Variants in COL5A1 observed in about 807,000 individuals in gnomAD.
COL5A1 encodes collagen type V alpha 1 chain.
In COL5A1, 16 loss-of-function variants were observed where a neutral mutation model predicts 263.7. That is an observed-to-expected ratio of 0.06 (90% CI 0.04 to 0.09). The LOEUF (loss-of-function observed/expected upper bound fraction) is 0.09, where lower values mean the gene tolerates loss of function less well. Ranked by LOEUF, COL5A1 falls within the 10% of genes least tolerant of loss-of-function variation. COL5A1 has a pLI of 1.00. For missense variants in COL5A1, 2,036 were observed against 2,540.5 expected (o/e 0.80, Z 4.27); for synonymous variants, 1,012 against 1,004.5 (o/e 1.01, Z -0.14).
intron 36 of COL5A1, 83 bp from the exon 37 acceptor site, chr9:134,798,325 G>T: frequency 7.9e-7 from 1 of 1,272,562 alleles, no homozygotes; most frequent in Admixed American, 1.7e-5. Context: ...TGGAAATAAC[G>T]GTCACTCCAC....
Position 134,844,000 on chromosome 9 carries a change from G to A in COL5A1, c.*1697G>A, listed in dbSNP as rs1340720361. On this transcript the variant is annotated 3_prime_UTR_variant, in exon 66 of 66. Transcript: ENST00000371817. ...AGGACCCGAGGGGCAGCCAGGAAAG[G>A]CGATCTCTTCACTGTGAAAAGTTGC... 1 of 152,274 alleles carries A rather than the reference G, an allele frequency of 6.6e-6. No homozygotes were observed. The highest frequency in any genetic ancestry group is 1.5e-5 in the Non-Finnish European group (1 of 68,050). 9.4% of individuals were successfully genotyped at this position (152,274 alleles called of 1,614,324 possible). A position where few individuals can be genotyped will look rare whatever the true frequency, so the allele number is the denominator to read the frequency against.
chr9:134,695,316 C>T (rs974271657), intron 2 of COL5A1, among the ~76,000 whole-genome samples: 2 of 151,824 alleles, frequency 1.3e-5, no homozygotes, highest in Admixed American at 1.3e-4. Flanking sequence ...GGCCTGGGCT[C>T]CAGAATCAGC....
intron 19 of COL5A1, 23 bp downstream of exon 19, chr9:134,762,001 G>A (rs765871817): frequency 4.3e-6 from 7 of 1,611,846 alleles, no homozygotes; most frequent in South Asian, 1.1e-5. Context: ...CCGTCCCTCC[G>A]ACTGCTCCTG....
chr9:134,767,141 G>A, intron 23 of COL5A1, 88 bp downstream of exon 23: 1 of 1,508,668 alleles, frequency 6.6e-7, no homozygotes, highest in Non-Finnish European at 9.2e-7. Flanking sequence ...GAAGCGGGGA[G>A]CTCTGTCCCC....
At chr9:134,711,801 C>A (rs997620246) in intron 4 of COL5A1, among the ~76,000 whole-genome samples, 1 of 152,068 alleles carries the variant, frequency 6.6e-6, no homozygotes, top group East Asian at 1.9e-4. Context: ...TGATCCAAAT[C>A]CCCGCTCTTC....
In COL5A1 at chr9:134,823,404, C is replaced by T. The variant is rs778011542; in HGVS notation, c.4645-12C>T. On this transcript the variant is annotated splice_polypyrimidine_tract_variant and intron_variant, in intron 60 of 65. Transcript: ENST00000371817. ...TCTGTGACCAAGGGTTGATTCTTTT[C>T]TTTCTCCCCAGGGTCCAACTGGCCC... 6.2e-7 allele frequency: 1 copy of T among 1,614,210 alleles called. No homozygotes were observed. Among genetic ancestry groups the T allele is most frequent in the East Asian group, 2.2e-5 (1 of 44,888 alleles).
intron 25 of COL5A1, among the ~76,000 whole-genome samples, chr9:134,769,258 C>T (rs901506288): frequency 2.1e-4 from 32 of 152,232 alleles, no homozygotes; most frequent in Non-Finnish European, 4.3e-4. Flanking sequence ...CACACAGCAT[C>T]CCTCAGGCCG....
chr9:134,811,964 G>A (rs756975900), intron 46 of COL5A1, among the ~76,000 whole-genome samples: 3 of 152,242 alleles, frequency 2.0e-5, no homozygotes, highest in Non-Finnish European at 4.4e-5. Flanking sequence ...AGGCGCATAT[G>A]TAATTGTATT....
In COL5A1 at chr9:134,642,947, A is replaced by C. The variant is rs1387275188; in HGVS notation, c.109+651A>C. Among the ~76,000 whole-genome samples, 1 of 152,244 alleles carries C rather than the reference A, an allele frequency of 6.6e-6. No individual in the cohort carries two copies. The highest frequency in any genetic ancestry group is 2.4e-5 in the African/African-American group (1 of 41,464). ...ACCCCCAAACTTCTTGATCCCTGGA[A>C]GGCAGCTTTTCCTGGATTCGCTGCT... On this transcript the variant is annotated intron_variant, in intron 1 of 65. Transcript: ENST00000371817. This position sits in a 1 kb window ranked among gnomAD's most constrained non-coding sequence, Gnocchi z 4.5.
At position 134,642,083 on chromosome 9, in the gene COL5A1, G is replaced by A; in HGVS notation, c.-105G>A. On this transcript the variant is annotated 5_prime_UTR_variant, in exon 1 of 66. Coordinates refer to ENST00000371817, the MANE Select transcript of COL5A1 (RefSeq NM_000093.5). This position sits in a 1 kb window ranked among gnomAD's most constrained non-coding sequence, Gnocchi z 4.5. ...CGAGGTCCCCATGACCTCCTAAAGT[G>A]GTGCGGTCCCTGCTGAGTGCGCTGC... The A allele has an allele frequency of 1.0e-6, 1 of 998,132 alleles. No individual in the cohort carries two copies. Among genetic ancestry groups the A allele is most frequent in the East Asian group, 3.3e-5 (1 of 30,412 alleles). The allele number at this position is 998,132 out of a possible 1,614,324, so 61.8% of individuals were successfully genotyped here.
chr9:134,828,194 C>T (rs777930419), intron 63 of COL5A1, among the ~76,000 whole-genome samples: 3 of 152,152 alleles, frequency 2.0e-5, no homozygotes, highest in Non-Finnish European at 2.9e-5. Flanking sequence ...CAGGTCTCCC[C>T]TCAGAGGAAT....
Position 134,842,536 on chromosome 9 carries a change from C to T in COL5A1, c.*233C>T, listed in dbSNP as rs997595404. 14 of 604,144 alleles carry T rather than the reference C, an allele frequency of 2.3e-5. No homozygotes were observed. The highest frequency in any genetic ancestry group is 1.1e-4 in the East Asian group (4 of 35,508). The allele number at this position is 604,144 out of a possible 1,614,324, so 37.4% of individuals were successfully genotyped here. On this transcript the variant is annotated 3_prime_UTR_variant, in exon 66 of 66. Coordinates refer to ENST00000371817, the MANE Select transcript of COL5A1 (RefSeq NM_000093.5). This position sits in a 1 kb window ranked among gnomAD's most constrained non-coding sequence, Gnocchi z 5.8. ...ATCACATGACCTAGCTGCACCCCAG[C>T]GCCTGGGCCCGCCCCACGCTCTGTC...
Position 134,758,978 on chromosome 9 carries a change from A to G in COL5A1, c.1935+682A>G, listed in dbSNP as rs7849193. Among the ~76,000 whole-genome samples, 28,826 of 152,110 alleles carry G rather than the reference A, an allele frequency of 0.19. 3,959 individuals carry two copies. Among genetic ancestry groups the G allele is most frequent in the African/African-American group, 0.38 (15,846 of 41,432 alleles). ...GGTCTTCTTTCAATAACAACGTGAT[A>G]GAAAGCCTACAATCTCCTGCCCTGT... is the stretch of plus-strand genomic sequence containing the variant. On this transcript the variant is annotated intron_variant, in intron 18 of 65. Transcript: ENST00000371817. This position sits in a 1 kb window ranked among gnomAD's most constrained non-coding sequence, Gnocchi z 4.1.
At chr9:134,735,299 G>C (rs1835058841) in intron 9 of COL5A1, among the ~76,000 whole-genome samples, 1 of 152,008 alleles carries the variant, frequency 6.6e-6, no homozygotes, top group African/African-American at 2.4e-5. Flanking sequence ...AAGTGATCCT[G>C]CACCCACCAC....
intron 25 of COL5A1, among the ~76,000 whole-genome samples, chr9:134,768,762 G>A (rs1836770414): frequency 6.6e-6 from 1 of 152,246 alleles, no homozygotes; most frequent in Non-Finnish European, 1.5e-5. Context: ...CCGTGAGGAG[G>A]GCTGGGCCGG....
In COL5A1 at chr9:134,686,824, C is replaced by T. The variant is rs960654467; in HGVS notation, c.110-4088C>T. On this transcript the variant is annotated intron_variant, in intron 1 of 65. Transcript: ENST00000371817. This position sits in a 1 kb window ranked among gnomAD's most constrained non-coding sequence, Gnocchi z 4.6. ...CCCTAGGTGCTGGGGGTAAACACTT[C>T]TTGTAGTTTAAAGATTCTGATGCCC... Among the ~76,000 whole-genome samples the T allele has an allele frequency of 2.0e-5, 3 of 152,130 alleles. No homozygotes were observed. Among genetic ancestry groups the T allele is most frequent in the Non-Finnish European group, 4.4e-5 (3 of 68,044 alleles).
intron 37 of COL5A1, among the ~76,000 whole-genome samples, chr9:134,800,024 C>T (rs577900794): frequency 4.8e-4 from 73 of 152,320 alleles, no homozygotes; most frequent in Non-Finnish European, 7.1e-4. Flanking sequence ...TGGGACATAG[C>T]ATCTCCTCCA....
At chr9:134,829,841 G>T in intron 63 of COL5A1, 135 bp from the exon 64 acceptor site, 1 of 956,132 alleles carries the variant, frequency 1.0e-6, no homozygotes, top group African/African-American at 1.7e-5. Context: ...CGCTCGGTGG[G>T]TCCTCCCTGC....
At chr9:134,734,391 G>T (rs1355043261) in intron 9 of COL5A1, among the ~76,000 whole-genome samples, 3 of 152,240 alleles carry the variant, frequency 2.0e-5, no homozygotes, top group East Asian at 3.8e-4. Flanking sequence ...TGCTCCAAGT[G>T]TCCTGGGGCC....
Sources: gnomAD v4.1 joint callset for allele counts (sites outside exome capture counted in the v4.1 genomes callset) on GRCh38, gnomAD v4.1.1 for gene constraint, Gnocchi (gnomAD v3.1) non-coding constraint, MANE v1.5 for transcripts, NCBI Gene and HGNC (gene_info 2026-07-23, HGNC 2026-07-21) for gene names.